The following NELL1 variants were observed in gnomAD, a reference collection of about 807,000 sequenced individuals.
The protein encoded by NELL1 is neural EGFL like 1.
In NELL1, 76 loss-of-function variants were observed where a neutral mutation model predicts 107.4. That is an observed-to-expected ratio of 0.71 (90% CI 0.59 to 0.86). NELL1 has a LOEUF of 0.86. NELL1 is among the 40% of genes least tolerant of loss of function. The pLI, the probability that NELL1 is intolerant of heterozygous loss-of-function variation, is 0.00. For missense variants in NELL1, 1,024 were observed against 1,005.5 expected (o/e 1.02, Z -0.25); for synonymous variants, 353 against 341.2 (o/e 1.03, Z -0.38).
intron 13 of NELL1, among the ~76,000 whole-genome samples, chr11:21,205,045 C>T (rs1857358738): frequency 1.3e-5 from 2 of 152,176 alleles, no homozygotes; most frequent in South Asian, 4.1e-4. Context: ...AGGTGTCTTT[C>T]AGCCCCTGCT....
chr11:21,214,222 C>T (rs1385064605), intron 13 of NELL1, among the ~76,000 whole-genome samples: 1 of 152,128 alleles, frequency 6.6e-6, no homozygotes, highest in East Asian at 1.9e-4. Flanking sequence ...ATCCGAAATG[C>T]TCCAGGGAGC....
rs140813364 is a variant in NELL1, at chr11:20,985,977, A to G, written c.1300+25417A>G. Among the ~76,000 whole-genome samples, 162 of 152,314 alleles carry G rather than the reference A, an allele frequency of 1.1e-3. 1 individual carries two copies. Among genetic ancestry groups the G allele is most frequent in the East Asian group, 7.1e-3 (37 of 5,180 alleles). Reference sequence around the variant, plus strand: ...ACTAATGGACTTCACCTCATTGACCAGTTTCTGTCTTCGCAATGAAGAAGT... The same window carrying G: ...ACTAATGGACTTCACCTCATTGACCGGTTTCTGTCTTCGCAATGAAGAAGT... On this transcript the variant is annotated intron_variant, in intron 12 of 19. Transcript: ENST00000357134.
At chr11:20,702,977 T>G (rs898914976) in intron 2 of NELL1, among the ~76,000 whole-genome samples, 5 of 152,176 alleles carry the variant, frequency 3.3e-5, no homozygotes, top group African/African-American at 7.2e-5. Flanking sequence ...TCTCTTTTTT[T>G]GTTGTGTCTC....
intron 2 of NELL1, among the ~76,000 whole-genome samples, chr11:20,703,001 A>G (rs570302065): frequency 1.3e-5 from 2 of 150,896 alleles, no homozygotes; most frequent in South Asian, 2.1e-4. Flanking sequence ...CAGGCTTTGG[A>G]TGATGCTGGC....
intron 14 of NELL1, among the ~76,000 whole-genome samples, chr11:21,328,000 T>A (rs963828948): frequency 2.0e-5 from 3 of 152,056 alleles, no homozygotes; most frequent in African/African-American, 7.2e-5. Context: ...TACAATGTGA[T>A]GATGTGTTAG....
intron 13 of NELL1, among the ~76,000 whole-genome samples, chr11:21,150,559 G>A (rs1856091716): frequency 6.6e-6 from 1 of 152,172 alleles, no homozygotes; most frequent in Non-Finnish European, 1.5e-5. Flanking sequence ...TTGCCGCACT[G>A]GTTGGTTAAT....
At chr11:20,840,968 T>A (rs1417325314) in intron 3 of NELL1, among the ~76,000 whole-genome samples, 1 of 152,240 alleles carries the variant, frequency 6.6e-6, no homozygotes. Flanking sequence ...AGACTAGCAA[T>A]AACTTGTGCC....
intron 15 of NELL1, among the ~76,000 whole-genome samples, chr11:21,422,535 A>T (rs1447743876): frequency 6.6e-6 from 1 of 152,154 alleles, no homozygotes; most frequent in Non-Finnish European, 1.5e-5. Context: ...CAATGCACAA[A>T]GATGTAATTG....
intron 3 of NELL1, among the ~76,000 whole-genome samples, chr11:20,839,065 T>A (rs896925720): frequency 1.1e-4 from 17 of 152,152 alleles, no homozygotes; most frequent in African/African-American, 4.1e-4. Flanking sequence ...GCTTATTTTT[T>A]TTTTAAAGTG....
At chr11:21,064,200 T>C (rs547423415) in intron 12 of NELL1, among the ~76,000 whole-genome samples, 4 of 152,124 alleles carry the variant, frequency 2.6e-5, no homozygotes, top group Admixed American at 6.5e-5. Context: ...CCAGATGGTG[T>C]AGGGACTCAT....
Position 21,166,089 on chromosome 11 carries a change from C to T in NELL1, c.1426+52375C>T, listed in dbSNP as rs112194282. Among the ~76,000 whole-genome samples the T allele has an allele frequency of 3.4e-3, 520 of 151,716 alleles. 16 individuals are homozygous for T. Among genetic ancestry groups the T allele is most frequent in the African/African-American group, 0.012 (486 of 41,106 alleles). ...GTTATTTGCAACAACATGGATGGAGCTGGAGGTCATTATGTTAAGTGAAAT... is the reference window on the plus strand; with the variant it reads ...GTTATTTGCAACAACATGGATGGAGTTGGAGGTCATTATGTTAAGTGAAAT... On this transcript the variant is annotated intron_variant, in intron 13 of 19. Coordinates refer to ENST00000357134, the MANE Select transcript of NELL1 (RefSeq NM_006157.5).
In NELL1 at chr11:20,669,835, C is replaced by A; in HGVS notation, c.55+57C>A. On this transcript the variant is annotated intron_variant, in intron 1 of 19. Transcript: ENST00000357134. This position sits in a 1 kb window ranked among gnomAD's most constrained non-coding sequence, Gnocchi z 4.4. The stretch of plus-strand genomic sequence containing the variant: ...GGGAAATGGGGGTGCCCACAGACCA[C>A]GGCGGCGTGGGGAGACCTGGAGCCG... The A allele has an allele frequency of 6.8e-7, 1 of 1,475,988 alleles. No individual in the cohort carries two copies. Among genetic ancestry groups the A allele is most frequent in the Non-Finnish European group, 9.5e-7 (1 of 1,055,304 alleles). 91.4% of individuals were successfully genotyped at this position (1,475,988 alleles called of 1,614,324 possible).
chr11:21,304,123 T>C (rs1849556220), intron 14 of NELL1, among the ~76,000 whole-genome samples: 1 of 152,004 alleles, frequency 6.6e-6, no homozygotes, highest in Non-Finnish European at 1.5e-5. Flanking sequence ...CACATGCTCA[T>C]TTAATTTTAA....
At chr11:21,017,216 A>G (rs543700889) in intron 12 of NELL1, among the ~76,000 whole-genome samples, 1 of 152,240 alleles carries the variant, frequency 6.6e-6, no homozygotes, top group African/African-American at 2.4e-5. Context: ...ACCATTCTCC[A>G]GAAGCTGTTG....
At chr11:21,570,068 A>AT (rs962817268) in intron 17 of NELL1, among the ~76,000 whole-genome samples, 104 of 151,824 alleles carry the variant, frequency 6.9e-4, no homozygotes, top group African/African-American at 2.3e-3. Context: ...CTGACTTTCA[A>AT]TTTTTTATAG....
At chr11:20,949,034 C>T (rs941879678) in intron 11 of NELL1, among the ~76,000 whole-genome samples, 11 of 151,704 alleles carry the variant, frequency 7.3e-5, no homozygotes, top group Non-Finnish European at 1.3e-4. Flanking sequence ...TTGACTTTGC[C>T]GACAAGAGGT....
intron 14 of NELL1, among the ~76,000 whole-genome samples, chr11:21,304,024 A>G (rs1849554310): frequency 6.6e-6 from 1 of 152,054 alleles, no homozygotes; most frequent in Non-Finnish European, 1.5e-5. Context: ...ATCACCTCCC[A>G]GTGGCCACTC....
intron 3 of NELL1, among the ~76,000 whole-genome samples, chr11:20,810,265 T>C (rs1025790648): frequency 6.6e-6 from 1 of 152,228 alleles, no homozygotes; most frequent in African/African-American, 2.4e-5. Flanking sequence ...AGGTGGTATT[T>C]GGTTACATGA....
At position 21,488,632 on chromosome 11, in the gene NELL1, G is replaced by A. The variant is rs1395696991; in HGVS notation, c.1646-45742G>A. On this transcript the variant is annotated intron_variant, in intron 15 of 19. Coordinates refer to ENST00000357134, the MANE Select transcript of NELL1 (RefSeq NM_006157.5). ...GAAAACTAGAAATCAATACCAAGAGGAACTTTGAAAAGTATACAAATACAA... is the reference window on the plus strand; with the variant it reads ...GAAAACTAGAAATCAATACCAAGAGAAACTTTGAAAAGTATACAAATACAA... Among the ~76,000 whole-genome samples, 3 of 152,174 alleles carry A rather than the reference G, an allele frequency of 2.0e-5. No individual in the cohort carries two copies. In the East Asian group the frequency reaches 5.8e-4, roughly 29 times the overall value.
Sources: gnomAD v4.1 joint callset for allele counts (sites outside exome capture counted in the v4.1 genomes callset) on GRCh38, gnomAD v4.1.1 for gene constraint, Gnocchi (gnomAD v3.1) non-coding constraint, MANE v1.5 for transcripts, NCBI Gene and HGNC (gene_info 2026-07-23, HGNC 2026-07-21) for gene names.